The following CADPS2 variants were observed in gnomAD, a reference collection of about 807,000 sequenced individuals.
CADPS2 encodes the protein calcium dependent secretion activator 2, also known as calcium-dependent secretion activator 2.
A neutral mutation model predicts 172.5 loss-of-function variants in CADPS2; 93 were observed. The ratio of observed to expected loss-of-function variants is 0.54; its 90% CI spans 0.46 to 0.64. The LOEUF (loss-of-function observed/expected upper bound fraction) is 0.64, where lower values mean the gene tolerates loss of function less well. Ranked by LOEUF, CADPS2 falls within the 30% of genes least tolerant of loss-of-function variation. The probability of loss-of-function intolerance (pLI) is 0.00; values close to 1 mark genes in which losing one functional copy is unlikely to be tolerated. For missense variants in CADPS2, 1,420 were observed against 1,565.9 expected, an observed-to-expected ratio of 0.91 and a Z score of 1.57; for synonymous variants, 546 against 555.2, an observed-to-expected ratio of 0.98 and a Z score of 0.23.
intron 1 of CADPS2, among the ~76,000 whole-genome samples, chr7:122,799,459 C>T (rs563057319): frequency 2.6e-5 from 4 of 151,530 alleles, no homozygotes; most frequent in East Asian, 1.9e-4. Context: ...CAAAATTAGC[C>T]GGGCGTGGTG....
intron 2 of CADPS2, among the ~76,000 whole-genome samples, chr7:122,719,533 T>G (rs2090114286): frequency 6.6e-6 from 1 of 152,150 alleles, no homozygotes; most frequent in Admixed American, 6.6e-5. Flanking sequence ...GTCTCCACTT[T>G]CCTTCCTAAC....
chr7:122,838,218 A>T (rs2140856101), intron 1 of CADPS2, among the ~76,000 whole-genome samples: 1 of 152,368 alleles, frequency 6.6e-6, no homozygotes, highest in South Asian at 2.1e-4. Flanking sequence ...GGCCTTTGAC[A>T]AAATTCAACA....
intron 1 of CADPS2, among the ~76,000 whole-genome samples, chr7:122,844,144 C>T (rs879599811): frequency 1.4e-4 from 21 of 152,282 alleles, no homozygotes; most frequent in Non-Finnish European, 2.8e-4. Context: ...AGGGACAGGA[C>T]GAGCCTCACC....
chr7:122,674,888 A>G (rs189184115), intron 2 of CADPS2, among the ~76,000 whole-genome samples: 63 of 152,294 alleles, frequency 4.1e-4, no homozygotes, highest in African/African-American at 1.2e-3. Context: ...TCCATAACCT[A>G]TGCTGTCCTT....
intron 6 of CADPS2, among the ~76,000 whole-genome samples, chr7:122,583,149 C>T (rs1359296959): frequency 1.3e-5 from 2 of 151,788 alleles, no homozygotes; most frequent in Admixed American, 1.3e-4. Flanking sequence ...ACCTTTGATC[C>T]TTCACAGACA....
rs543679237 is a variant in CADPS2, at chr7:122,783,940, G to A, written c.340-46872C>T. Among the ~76,000 whole-genome samples, 53 of 152,218 alleles carry A rather than the reference G, an allele frequency of 3.5e-4. No individual in the cohort carries two copies. In the South Asian group the frequency reaches 5.2e-3, roughly 15 times the overall value. The stretch of plus-strand genomic sequence containing the variant: ...TCTCAGGCCTTCCAAGAGGGCTTGC[G>A]GCTATTACTATAACTATCTTTAATA... On this transcript the variant is annotated intron_variant, in intron 1 of 29. Coordinates refer to ENST00000449022, the MANE Select transcript of CADPS2 (RefSeq NM_017954.11).
At chr7:122,744,328 G>C (rs1295977187) in intron 1 of CADPS2, among the ~76,000 whole-genome samples, 1 of 152,168 alleles carries the variant, frequency 6.6e-6, no homozygotes, top group African/African-American at 2.4e-5. Context: ...CTTGACATGA[G>C]AGAGAAAACC....
intron 25 of CADPS2, among the ~76,000 whole-genome samples, chr7:122,375,484 G>T (rs558945123): frequency 6.9e-4 from 105 of 152,074 alleles, no homozygotes; most frequent in Admixed American, 1.6e-3. Context: ...CAAGAGAAAA[G>T]GATGGTTTCT....
intron 2 of CADPS2, among the ~76,000 whole-genome samples, chr7:122,704,855 T>G (rs549645866): frequency 3.3e-5 from 5 of 152,078 alleles, no homozygotes; most frequent in African/African-American, 1.2e-4. Flanking sequence ...AATTAGAGAG[T>G]GCTACCAGCA....
intron 2 of CADPS2, among the ~76,000 whole-genome samples, chr7:122,705,535 A>G (rs2086886399): frequency 8.3e-6 from 1 of 120,224 alleles, no homozygotes; most frequent in African/African-American, 3.3e-5. Flanking sequence ...TGTATTATCT[A>G]TATTATATAT....
chr7:122,508,100 T>C (rs914297553), intron 9 of CADPS2, among the ~76,000 whole-genome samples: 3 of 152,052 alleles, frequency 2.0e-5, no homozygotes, highest in Admixed American at 1.3e-4. Flanking sequence ...TAAAGACATA[T>C]ATATGCATAT....
At chr7:122,563,827 A>G (rs941319032) in intron 7 of CADPS2, among the ~76,000 whole-genome samples, 3 of 152,160 alleles carry the variant, frequency 2.0e-5, no homozygotes, top group Non-Finnish European at 2.9e-5. Flanking sequence ...TTCATGGACT[A>G]CTGATAGATG....
intron 24 of CADPS2, chr7:122,386,452 A>AC (rs2043690123): frequency 2.1e-6 from 1 of 486,994 alleles, no homozygotes; most frequent in Admixed American, 4.0e-5. Flanking sequence ...AAATAAATCA[A>AC]TTTTCACCCA....
chr7:122,676,679 A>T, intron 2 of CADPS2: 5 of 1,589,698 alleles, frequency 3.1e-6, no homozygotes. Context: ...GCCTGCTGTC[A>T]GCTGCTCAGC....
intron 8 of CADPS2, among the ~76,000 whole-genome samples, chr7:122,530,868 ATCAAGAC>A (rs1458008866): frequency 2.0e-5 from 3 of 152,276 alleles, no homozygotes; most frequent in African/African-American, 7.2e-5. Flanking sequence ...GAACAACAGG[ATCAAGAC>A]CATTCCTTGT....
At chr7:122,885,874 C>T in intron 1 of CADPS2, 125 bp downstream of exon 1, 2 of 1,172,832 alleles carry the variant, frequency 1.7e-6, no homozygotes, top group Non-Finnish European at 2.5e-6. Context: ...ATTCCTCTGC[C>T]CTCAGAGACT....
chr7:122,677,002 C>T (rs1158246081), intron 2 of CADPS2, among the ~76,000 whole-genome samples: 1 of 152,262 alleles, frequency 6.6e-6, no homozygotes, highest in South Asian at 2.1e-4. Context: ...AGTAAAAGGA[C>T]ACACTTGTGT....
chr7:122,324,472 T>A (rs959359125), intron 29 of CADPS2, among the ~76,000 whole-genome samples: 3 of 152,150 alleles, frequency 2.0e-5, no homozygotes, highest in Admixed American at 1.3e-4. Flanking sequence ...AATCTATAGA[T>A]TACTGGGTTC....
intron 1 of CADPS2, among the ~76,000 whole-genome samples, chr7:122,744,172 T>C: frequency 6.6e-6 from 1 of 152,214 alleles, no homozygotes; most frequent in East Asian, 1.9e-4. Context: ...TTCTTTCTCT[T>C]TTTTCTTTTC....
Sources: allele counts gnomAD v4.1 joint callset (sites outside exome capture counted in the v4.1 genomes callset), GRCh38; gene constraint gnomAD v4.1.1; transcripts MANE v1.5; gene names NCBI Gene and HGNC (gene_info 2026-07-23, HGNC 2026-07-21).